SHANK2: variants seen among roughly 807,000 people sequenced by gnomAD.
The protein encoded by SHANK2 is SH3 and multiple ankyrin repeat domains 2.
SHANK2 carries 43 observed loss-of-function variants against 133.7 expected under a neutral mutation model. That is an observed-to-expected ratio of 0.32 (90% confidence interval 0.25 to 0.41). SHANK2 has a LOEUF of 0.41. Ranked by LOEUF, SHANK2 falls within the 10% of genes least tolerant of loss-of-function variation. SHANK2 has a pLI of 1.00. For missense variants in SHANK2, 1,994 were observed against 2,235.8 expected (o/e 0.89, Z 2.18); for synonymous variants, 1,017 against 952.8 (o/e 1.07, Z -1.24).
intron 25 of SHANK2, among the ~76,000 whole-genome samples, chr11:70,482,415 C>T (rs2058747313): frequency 6.6e-6 from 1 of 152,242 alleles, no homozygotes; most frequent in Non-Finnish European, 1.5e-5. Context: ...CTCAGCCTTG[C>T]AGGTGTTCGG....
chr11:70,944,760 G>T (rs963932607), intron 10 of SHANK2, among the ~76,000 whole-genome samples: 2 of 152,158 alleles, frequency 1.3e-5, no homozygotes, highest in African/African-American at 4.8e-5. Context: ...TGATCTCTTT[G>T]TTTATTTCTC....
intron 17 of SHANK2, among the ~76,000 whole-genome samples, chr11:70,588,857 G>A (rs376162090): frequency 1.6e-4 from 24 of 152,280 alleles, no homozygotes; most frequent in East Asian, 7.7e-4. Flanking sequence ...GCGCTCTGTC[G>A]CCCAGGCTGG....
intron 6 of SHANK2, among the ~76,000 whole-genome samples, chr11:71,101,045 C>A (rs908135140): frequency 6.6e-6 from 1 of 152,002 alleles, no homozygotes. Flanking sequence ...CTGTCCAAAC[C>A]CATAACATGA....
At chr11:70,740,671 G>A (rs782567029) in intron 14 of SHANK2, among the ~76,000 whole-genome samples, 16 of 152,254 alleles carry the variant, frequency 1.1e-4, no homozygotes, top group East Asian at 1.9e-4. Flanking sequence ...ATGATTACCC[G>A]GGGTCTTTTG....
At chr11:71,249,053 G>C (rs1269413645) in intron 1 of SHANK2, among the ~76,000 whole-genome samples, 2 of 152,166 alleles carry the variant, frequency 1.3e-5, no homozygotes, top group Non-Finnish European at 1.5e-5. Context: ...GACCATGAGA[G>C]AATGACAGGC....
chr11:70,470,544 C>G lies in SHANK2; in HGVS notation c.*2325G>C, dbSNP rs2058585884. Reference sequence around the variant, plus strand: ...AAGTGCCATGCCAAAGGAATGGACTCACGGAATTTTGCGGTATCATCAAAT... The same window carrying G: ...AAGTGCCATGCCAAAGGAATGGACTGACGGAATTTTGCGGTATCATCAAAT... On this transcript the variant is annotated 3_prime_UTR_variant, in exon 26 of 26. Transcript: ENST00000601538. 1 of 152,588 alleles carries G rather than the reference C, an allele frequency of 6.6e-6. No individual in the cohort carries two copies. Among genetic ancestry groups the G allele is most frequent in the Admixed American group, 6.5e-5 (1 of 15,272 alleles). The allele number at this position is 152,588 out of a possible 1,614,324, so 9.5% of individuals were successfully genotyped here.
At position 70,836,120 on chromosome 11, in the gene SHANK2, G is replaced by T. The variant is rs547548268; in HGVS notation, c.1175-15438C>A. ...GCCACAGACACCCTTTCACAACATG[G>T]CCTGCTTGCCCATGGGGGGCCAGGG... On this transcript the variant is annotated intron_variant, in intron 11 of 25. Coordinates refer to ENST00000601538, the MANE Select transcript of SHANK2 (RefSeq NM_012309.5). Among the ~76,000 whole-genome samples, 9 of 152,354 alleles carry T rather than the reference G, an allele frequency of 5.9e-5. No individual in the cohort carries two copies. The South Asian group carries it at 1.4e-3, about 25-fold the overall frequency.
At chr11:70,856,129 A>G (rs73534036) in intron 11 of SHANK2, among the ~76,000 whole-genome samples, 5,190 of 151,174 alleles carry the variant, frequency 0.034, 262 homozygotes, top group African/African-American at 0.12. Context: ...TGGTTCAATG[A>G]GTGGATGGAT....
chr11:70,856,764 C>T (rs1422511083), intron 11 of SHANK2, among the ~76,000 whole-genome samples: 3 of 152,222 alleles, frequency 2.0e-5, no homozygotes, highest in Middle Eastern at 3.4e-3. Flanking sequence ...CAGAGAATTT[C>T]AAGGATCTTA....
rs1296925355 is a variant in SHANK2 at position 71,188,991 on chromosome 11, C to A, written c.-13+35706G>T. ...GATGGAGTCCCAGGAAGCTGCCCCACCACAGGGCAACAGCCAGGTCACAGC... is the reference window on the plus strand; with the variant it reads ...GATGGAGTCCCAGGAAGCTGCCCCAACACAGGGCAACAGCCAGGTCACAGC... On this transcript the variant is annotated intron_variant, in intron 2 of 25. Transcript: ENST00000601538. The surrounding 1 kb of genome is among the most constrained non-coding windows in gnomAD (Gnocchi z 4.6). Among the ~76,000 whole-genome samples the A allele has an allele frequency of 6.6e-6, 1 of 152,218 alleles. No individual in the cohort carries two copies. Among genetic ancestry groups the A allele is most frequent in the Non-Finnish European group, 1.5e-5 (1 of 68,038 alleles).
chr11:70,661,339 T>C (rs987096270), intron 16 of SHANK2, among the ~76,000 whole-genome samples: 1 of 152,034 alleles, frequency 6.6e-6, no homozygotes, highest in Admixed American at 6.5e-5. Flanking sequence ...CAGAACAACA[T>C]CATCTACAGA....
At chr11:70,515,825 T>G (rs1352602792) in intron 17 of SHANK2, among the ~76,000 whole-genome samples, 2 of 152,138 alleles carry the variant, frequency 1.3e-5, no homozygotes, top group South Asian at 4.2e-4. Flanking sequence ...AAATTTTTTT[T>G]ATACCTGCTA....
intron 2 of SHANK2, among the ~76,000 whole-genome samples, chr11:71,192,361 C>T (rs191555389): frequency 6.8e-4 from 104 of 152,314 alleles, no homozygotes; most frequent in African/African-American, 2.2e-3. Flanking sequence ...CCTGTGGTGA[C>T]GGGGCTCCTT....
intron 17 of SHANK2, among the ~76,000 whole-genome samples, chr11:70,564,236 T>G (rs551990679): frequency 7.9e-5 from 12 of 152,138 alleles, no homozygotes; most frequent in African/African-American, 2.9e-4. Flanking sequence ...CCTCATTATT[T>G]CTTCAAATAT....
chr11:71,128,506 G>A (rs185229612), intron 3 of SHANK2, among the ~76,000 whole-genome samples: 7 of 152,264 alleles, frequency 4.6e-5, no homozygotes, highest in East Asian at 1.9e-4. Flanking sequence ...CTGTGGAGAC[G>A]GAGTTTGTGG....
At chr11:70,648,936 A>C (rs952927048) in intron 17 of SHANK2, among the ~76,000 whole-genome samples, 1 of 152,110 alleles carries the variant, frequency 6.6e-6, no homozygotes, top group Non-Finnish European at 1.5e-5. Flanking sequence ...GCAGAGGGTT[A>C]TGAGCGGGCA....
chr11:70,893,443 T>A (rs1555075111), intron 11 of SHANK2, among the ~76,000 whole-genome samples: 1 of 152,186 alleles, frequency 6.6e-6, no homozygotes, highest in East Asian at 1.9e-4. Flanking sequence ...TAAGAAGGCA[T>A]TAGTTCAGGA....
intron 17 of SHANK2, among the ~76,000 whole-genome samples, chr11:70,648,294 G>A (rs2061294055): frequency 6.6e-6 from 1 of 151,998 alleles, no homozygotes; most frequent in Non-Finnish European, 1.5e-5. Context: ...TTTATGGTCT[G>A]TGTATTTTAC....
chr11:70,793,722 A>T (rs1222088011), intron 14 of SHANK2, among the ~76,000 whole-genome samples: 1 of 152,150 alleles, frequency 6.6e-6, no homozygotes, highest in African/African-American at 2.4e-5. Context: ...ACTCTCACAC[A>T]CTGCCGGTAG....
Sources: gnomAD v4.1 joint callset for allele counts (sites outside exome capture counted in the v4.1 genomes callset) on GRCh38, gnomAD v4.1.1 for gene constraint, Gnocchi (gnomAD v3.1) non-coding constraint, MANE v1.5 for transcripts, NCBI Gene and HGNC (gene_info 2026-07-23, HGNC 2026-07-21) for gene names.